Variants in LYPLAL1 observed in about 807,000 individuals in gnomAD.
The protein encoded by LYPLAL1 is lysophospholipase like 1.
LYPLAL1 carries 23 observed loss-of-function variants against 19.7 expected under a neutral mutation model. That is an observed-to-expected ratio of 1.17 (90% CI 0.84 to 1.65). LYPLAL1 has a LOEUF of 1.65. Ranked by LOEUF, LYPLAL1 falls within the 40% of genes most tolerant of loss-of-function variation. LYPLAL1 has a pLI of 0.00. For synonymous variants in LYPLAL1, 119 were observed against 96.3 expected, an observed-to-expected ratio of 1.24 and a Z score of -1.38; for missense variants, 355 against 279.4, an observed-to-expected ratio of 1.27 and a Z score of -1.93.
the LYPLAL1 span, among the ~76,000 whole-genome samples, chr1:219,379,032 A>G: frequency 6.6e-6 from 1 of 152,162 alleles, no homozygotes; most frequent in South Asian, 2.1e-4. Context: ...AGCAACATAG[A>G]ATATATTTCA....
the LYPLAL1 span, among the ~76,000 whole-genome samples, chr1:219,293,010 C>T: frequency 6.6e-6 from 1 of 152,132 alleles, no homozygotes; most frequent in Non-Finnish European, 1.5e-5. Flanking sequence ...AGCTCTGCAA[C>T]CTTTTAGCTG....
chr1:219,410,650 G>T, the LYPLAL1 span, among the ~76,000 whole-genome samples: 5 of 152,382 alleles, frequency 3.3e-5, no homozygotes, highest in Middle Eastern at 3.4e-3. Flanking sequence ...GAGGTGTGGA[G>T]GGAGAGGCAA....
the LYPLAL1 span, among the ~76,000 whole-genome samples, chr1:219,293,274 A>G: frequency 6.6e-6 from 1 of 152,272 alleles, no homozygotes; most frequent in East Asian, 1.9e-4. Flanking sequence ...AAATAAAAAT[A>G]AAAAGGGTGA....
At chr1:219,425,928 C>T in the LYPLAL1 span, among the ~76,000 whole-genome samples, 1 of 152,208 alleles carries the variant, frequency 6.6e-6, no homozygotes, top group Non-Finnish European at 1.5e-5. Context: ...AGTTCTGTAG[C>T]TCTTGAGATC....
Position 219,211,589 on chromosome 1 carries a change from C to A in LYPLAL1, c.575C>A (p.Ser192Ter). 6.2e-7 allele frequency: 1 copy of A among 1,613,314 alleles called. No homozygotes were observed. The highest frequency in any genetic ancestry group is 8.5e-7 in the Non-Finnish European group (1 of 1,179,480). The change falls in exon 5 of 5, where the codon TCA (serine) becomes TAA (stop). Residue 192 changes from serine to a stop codon, truncating the protein, a stop_gained. Transcript: ENST00000366928. LOFTEE classifies it low-confidence loss of function (END_TRUNC). ...CATTCTTGGGCAGAAGAGACAAACTCAATGTTAAAATCTCTAGGAGTGACC... is the reference window on the plus strand; with the variant it reads ...CATTCTTGGGCAGAAGAGACAAACTAAATGTTAAAATCTCTAGGAGTGACC... Reference protein sequence around the residue: ...VLHSWAEETNSMLKSLGVTTK... With the variant: ...VLHSWAEETN
chr1:219,295,393 T>C, the LYPLAL1 span, among the ~76,000 whole-genome samples: 1 of 152,182 alleles, frequency 6.6e-6, no homozygotes. Context: ...AAATTTGTCT[T>C]GATTTGCTAT....
At chr1:219,209,891 A>C (rs1004603683) in intron 3 of LYPLAL1, among the ~76,000 whole-genome samples, 11 of 152,142 alleles carry the variant, frequency 7.2e-5, no homozygotes, top group African/African-American at 2.2e-4. Flanking sequence ...GAATTGGTAC[A>C]TTAAAGAGAC....
At chr1:219,259,426 T>C in the LYPLAL1 span, among the ~76,000 whole-genome samples, 1 of 144,684 alleles carries the variant, frequency 6.9e-6, no homozygotes, top group East Asian at 2.0e-4. Flanking sequence ...TATATATATA[T>C]ATATGTATAT....
chr1:219,418,251 C>G, the LYPLAL1 span, among the ~76,000 whole-genome samples: 3 of 152,262 alleles, frequency 2.0e-5, no homozygotes, highest in Admixed American at 2.0e-4. Flanking sequence ...TCAATGTCCC[C>G]CACTGAGAGG....
At chr1:219,264,843 A>G in the LYPLAL1 span, among the ~76,000 whole-genome samples, 1 of 152,228 alleles carries the variant, frequency 6.6e-6, no homozygotes, top group Non-Finnish European at 1.5e-5. Flanking sequence ...CAGAGGAAAA[A>G]GCTGGAAAAT....
the LYPLAL1 span, among the ~76,000 whole-genome samples, chr1:219,311,862 A>G: frequency 7.4e-4 from 112 of 152,314 alleles, no homozygotes; most frequent in Non-Finnish European, 9.4e-4. Context: ...CTAAATACAT[A>G]GAATGCTTTT....
the LYPLAL1 span, among the ~76,000 whole-genome samples, chr1:219,303,167 A>T: frequency 4.6e-3 from 705 of 152,328 alleles, 4 homozygotes; most frequent in Non-Finnish European, 8.3e-3. Flanking sequence ...TGAAATATTA[A>T]TAATTAATCA....
chr1:219,174,407 A>G (rs1202148576), intron 1 of LYPLAL1: 36 of 486,142 alleles, frequency 7.4e-5, no homozygotes, highest in Non-Finnish European at 8.1e-5. Context: ...CTCCCATACT[A>G]ATGTAGACAA....
the LYPLAL1 span, among the ~76,000 whole-genome samples, chr1:219,287,062 A>T: frequency 2.0e-5 from 3 of 152,192 alleles, no homozygotes; most frequent in Non-Finnish European, 4.4e-5. Flanking sequence ...TTACTCAGCT[A>T]GGTTAGTTCA....
the LYPLAL1 span, among the ~76,000 whole-genome samples, chr1:219,395,750 G>A: frequency 2.0e-5 from 3 of 152,006 alleles, no homozygotes; most frequent in African/African-American, 7.3e-5. Flanking sequence ...TATAATTTTG[G>A]GTTTTACATT....
At chr1:219,412,273 T>C in the LYPLAL1 span, among the ~76,000 whole-genome samples, 1 of 152,148 alleles carries the variant, frequency 6.6e-6, no homozygotes, top group Admixed American at 6.5e-5. Context: ...ATGATCCTCC[T>C]GCCTTGGCCT....
chr1:219,315,290 G>A, the LYPLAL1 span, among the ~76,000 whole-genome samples: 1 of 152,062 alleles, frequency 6.6e-6, no homozygotes, highest in Non-Finnish European at 1.5e-5. Flanking sequence ...ATTTTGATAA[G>A]TCAAAAATTT....
the LYPLAL1 span, chr1:219,409,444 T>TCACA: frequency 2.1e-4 from 1 of 4,700 alleles, no homozygotes; most frequent in African/African-American, 6.2e-4. Flanking sequence ...CAAGACCTTG[T>TCACA]CACACACACA....
intron 1 of LYPLAL1, among the ~76,000 whole-genome samples, chr1:219,178,105 T>C (rs1655971855): frequency 6.6e-6 from 1 of 152,220 alleles, no homozygotes; most frequent in African/African-American, 2.4e-5. Flanking sequence ...AGTCCTGTTC[T>C]AGGCACTATG....
Sources: gnomAD v4.1 joint callset for allele counts (sites outside exome capture counted in the v4.1 genomes callset) on GRCh38, gnomAD v4.1.1 for gene constraint, MANE v1.5 for transcripts, NCBI Gene and HGNC (gene_info 2026-07-23, HGNC 2026-07-21) for gene names.